The following NLGN1 variants were observed in gnomAD, a reference collection of about 807,000 sequenced individuals.
The protein encoded by NLGN1 is neuroligin 1.
NLGN1 carries 12 observed loss-of-function variants against 65.5 expected under a neutral mutation model. That is an observed-to-expected ratio of 0.18 (90% CI 0.12 to 0.30). The LOEUF (loss-of-function observed/expected upper bound fraction) is 0.30, where lower values mean the gene tolerates loss of function less well. Among genes scored for constraint, NLGN1 ranks in the 10% least tolerant of loss-of-function variants. The pLI is 1.00. For missense variants in NLGN1, 750 were observed against 1,007.1 expected, an observed-to-expected ratio of 0.74 and a Z score of 3.46; for synonymous variants, 350 against 359.5, an observed-to-expected ratio of 0.97 and a Z score of 0.30.
At chr3:173,532,628 G>A (rs1187436938) in intron 2 of NLGN1, among the ~76,000 whole-genome samples, 2 of 152,160 alleles carry the variant, frequency 1.3e-5, no homozygotes, top group African/African-American at 4.8e-5. Context: ...GTAGTCACTA[G>A]TAATGTGTGG....
At chr3:174,120,244 T>G (rs1297215353) in intron 4 of NLGN1, among the ~76,000 whole-genome samples, 3 of 152,110 alleles carry the variant, frequency 2.0e-5, no homozygotes, top group African/African-American at 7.2e-5. Context: ...TCCCAGCACT[T>G]TGGGAGGCCG....
intron 3 of NLGN1, among the ~76,000 whole-genome samples, chr3:173,757,804 G>T (rs897383491): frequency 2.6e-5 from 4 of 151,970 alleles, no homozygotes; most frequent in Non-Finnish European, 5.9e-5. Context: ...AAAAGCCCAC[G>T]TACTTCAAAA....
At chr3:173,827,659 G>C (rs2150571962) in intron 4 of NLGN1, among the ~76,000 whole-genome samples, 2 of 150,670 alleles carry the variant, frequency 1.3e-5, no homozygotes, top group African/African-American at 4.9e-5. Flanking sequence ...GTGTGTGTGT[G>C]TGTGTGAATG....
chr3:173,973,539 A>G (rs1716746040), intron 4 of NLGN1, among the ~76,000 whole-genome samples: 1 of 152,054 alleles, frequency 6.6e-6, no homozygotes, highest in Non-Finnish European at 1.5e-5. Context: ...TTTGAGGAAT[A>G]AAATTATGTG....
At chr3:173,886,114 C>T (rs1230352214) in intron 4 of NLGN1, among the ~76,000 whole-genome samples, 1 of 152,078 alleles carries the variant, frequency 6.6e-6, no homozygotes, top group Non-Finnish European at 1.5e-5. Context: ...CTTATGCAAC[C>T]ACTACCAATA....
intron 4 of NLGN1, among the ~76,000 whole-genome samples, chr3:173,899,999 C>T (rs1008310542): frequency 6.6e-5 from 10 of 152,056 alleles, no homozygotes; most frequent in Non-Finnish European, 1.3e-4. Context: ...TCAGATTTTC[C>T]TTTTTCCTTT....
chr3:173,427,840 ACT>A (rs922219174), intron 1 of NLGN1, among the ~76,000 whole-genome samples: 2 of 146,732 alleles, frequency 1.4e-5, no homozygotes, highest in African/African-American at 2.5e-5. Flanking sequence ...TGGTCTGGAA[ACT>A]CTATTTTTTT....
chr3:173,936,735 T>G (rs541041782), intron 4 of NLGN1, among the ~76,000 whole-genome samples: 2 of 152,212 alleles, frequency 1.3e-5, no homozygotes, highest in African/African-American at 4.8e-5. Context: ...GTTACAACAT[T>G]ATAGCCGGAA....
intron 3 of NLGN1, among the ~76,000 whole-genome samples, chr3:173,698,463 A>C (rs957434615): frequency 6.6e-6 from 1 of 152,194 alleles, no homozygotes; most frequent in African/African-American, 2.4e-5. Flanking sequence ...TGCGCCTTCT[A>C]CTAGTGGAAC....
rs920850574 is a variant in NLGN1, at chr3:173,527,611, A to G, written c.-320-76668A>G. On this transcript the variant is annotated intron_variant, in intron 2 of 6. Coordinates refer to ENST00000457714, the Ensembl canonical transcript of NLGN1. Reference sequence around the variant, plus strand: ...GCAAAGTTTCACCATGTTAGCCAGGATAGTCTCGATCTCCTGACCTCGTGA... The same window carrying G: ...GCAAAGTTTCACCATGTTAGCCAGGGTAGTCTCGATCTCCTGACCTCGTGA... 8.5e-5 allele frequency among the ~76,000 whole-genome samples: 13 copies of G among 152,112 alleles called. 1 individual carries two copies. The highest frequency in any genetic ancestry group is 7.9e-4 in the Admixed American group (12 of 15,278).
chr3:174,116,222 C>G (rs1716387328), intron 4 of NLGN1, among the ~76,000 whole-genome samples: 1 of 151,952 alleles, frequency 6.6e-6, no homozygotes, highest in Non-Finnish European at 1.5e-5. Context: ...TGTACACCAC[C>G]ACCATCAACA....
intron 4 of NLGN1, among the ~76,000 whole-genome samples, chr3:173,811,200 T>G (rs534463270): frequency 6.6e-6 from 1 of 152,374 alleles, no homozygotes; most frequent in African/African-American, 2.4e-5. Flanking sequence ...TCCTTATATA[T>G]GTTTAAAATT....
intron 4 of NLGN1, among the ~76,000 whole-genome samples, chr3:173,947,647 T>C (rs1392582627): frequency 2.0e-5 from 3 of 152,226 alleles, no homozygotes; most frequent in Non-Finnish European, 4.4e-5. Flanking sequence ...TAAATTCCTT[T>C]AAAATATACA....
At chr3:173,472,985 A>G (rs1226779559) in intron 2 of NLGN1, among the ~76,000 whole-genome samples, 1 of 152,184 alleles carries the variant, frequency 6.6e-6, no homozygotes, top group African/African-American at 2.4e-5. Context: ...AGTATCTCAG[A>G]GATTCATATT....
At position 173,815,563 on chromosome 3, in the gene NLGN1, G is replaced by A. The variant is rs183528297; in HGVS notation, c.646+7731G>A. On this transcript the variant is annotated intron_variant, in intron 4 of 6. Transcript: ENST00000457714. ...CCTTTTTTGGCCTGCTTGTTTCGTG[G>A]TATCACCCAGGATTTTCCTCCTACC... Among the ~76,000 whole-genome samples, 1,218 of 151,982 alleles carry A rather than the reference G, an allele frequency of 8.0e-3. 6 individuals carry two copies. Among genetic ancestry groups the A allele is most frequent in the Non-Finnish European group, 0.011 (740 of 67,952 alleles).
intron 4 of NLGN1, among the ~76,000 whole-genome samples, chr3:173,900,310 C>A (rs2152173573): frequency 6.6e-6 from 1 of 152,144 alleles, no homozygotes; most frequent in African/African-American, 2.4e-5. Context: ...ACTGGACCTT[C>A]TCAGGGCCTG....
intron 4 of NLGN1, among the ~76,000 whole-genome samples, chr3:174,152,473 A>G (rs1331086986): frequency 2.6e-5 from 4 of 152,022 alleles, no homozygotes; most frequent in Non-Finnish European, 5.9e-5. Flanking sequence ...AGGCAGGGGA[A>G]CATCACACAC....
At chr3:173,768,413 A>G (rs797003436) in intron 3 of NLGN1, among the ~76,000 whole-genome samples, 13 of 152,242 alleles carry the variant, frequency 8.5e-5, no homozygotes, top group African/African-American at 3.1e-4. Flanking sequence ...TTAATAAATC[A>G]ATAGCCCTCT....
intron 4 of NLGN1, among the ~76,000 whole-genome samples, chr3:174,225,559 A>C (rs1289465439): frequency 6.6e-6 from 1 of 152,056 alleles, no homozygotes; most frequent in Non-Finnish European, 1.5e-5. Flanking sequence ...GTGAAACCCC[A>C]TCTCTACTAA....
Sources: gnomAD v4.1 joint callset for allele counts (sites outside exome capture counted in the v4.1 genomes callset) on GRCh38, gnomAD v4.1.1 for gene constraint, MANE v1.5 for transcripts, NCBI Gene and HGNC (gene_info 2026-07-23, HGNC 2026-07-21) for gene names.